UBP1: variants seen among roughly 807,000 people sequenced by gnomAD.
UBP1 encodes upstream-binding protein 1.
Under a neutral mutation model 76.1 loss-of-function variants are expected in UBP1, and 22 were observed. The ratio of observed to expected loss-of-function variants is 0.29; its 90% CI spans 0.21 to 0.41. UBP1 has a LOEUF of 0.41. Among genes scored for constraint, UBP1 ranks in the 10% least tolerant of loss-of-function variants. UBP1 has a pLI of 1.00. For synonymous variants in UBP1, 224 were observed against 237.1 expected (o/e 0.94, Z 0.51); for missense variants, 436 against 668.1 (o/e 0.65, Z 3.83).
At position 33,439,526 on chromosome 3, in the gene UBP1, G is replaced by A. The variant is rs1161109707; in HGVS notation, c.113+210C>T. Among the ~76,000 whole-genome samples, 4 of 152,352 alleles carry A rather than the reference G, an allele frequency of 2.6e-5. No individual in the cohort carries two copies. The East Asian group carries it at 7.7e-4, about 29-fold the overall frequency. On this transcript the variant is annotated intron_variant, in intron 1 of 15. Coordinates refer to ENST00000283629, the MANE Select transcript of UBP1 (RefSeq NM_014517.5). ...CAGGAGCGGTCCGAGGCCGACGCTT[G>A]CGGGGCCATCCTCCCCCACCCGCCC...
Position 33,426,038 on chromosome 3 carries a change from TAG to T in UBP1, c.114-299_114-298del, listed in dbSNP as rs1491522835. Among the ~76,000 whole-genome samples, 469 of 83,156 alleles carry T rather than the reference TAG, an allele frequency of 5.6e-3. 15 individuals carry two copies. Among genetic ancestry groups the T allele is most frequent in the Middle Eastern group, 0.036 (6 of 168 alleles). The allele number at this position is 83,156 out of a possible 152,430, so 54.6% of individuals were successfully genotyped here. A position where few individuals can be genotyped will look rare whatever the true frequency, so the allele number is the denominator to read the frequency against. On this transcript the variant is annotated intron_variant, in intron 1 of 15. Coordinates refer to ENST00000283629, the MANE Select transcript of UBP1 (RefSeq NM_014517.5). ...ATATATATATATATATATATATATA[TAG>T]CACTTTAAAAACTTCTTTTAAAACT...
intron 2 of UBP1, among the ~76,000 whole-genome samples, chr3:33,418,569 T>C (rs1170170079): frequency 6.6e-6 from 1 of 151,846 alleles, no homozygotes; most frequent in South Asian, 2.1e-4. Flanking sequence ...ATAAGAAGTA[T>C]TTAATTAGGC....
intron 1 of UBP1, among the ~76,000 whole-genome samples, chr3:33,428,034 T>C (rs937030689): frequency 1.5e-4 from 23 of 152,138 alleles, no homozygotes; most frequent in Admixed American, 9.8e-4. Flanking sequence ...ATACAAAAAT[T>C]AGCTGGGCGT....
chr3:33,397,188 G>A, intron 11 of UBP1, 53 bp from the exon 12 acceptor site: 1 of 1,366,270 alleles, frequency 7.3e-7, no homozygotes, highest in Non-Finnish European at 1.0e-6. Context: ...GAACAGAACT[G>A]CTTTACAGGC....
chr3:33,390,420 C>A (rs1204601789), intron 15 of UBP1, 52 bp from the exon 16 acceptor site: 1 of 1,606,608 alleles, frequency 6.2e-7, no homozygotes, highest in Non-Finnish European at 8.5e-7. Flanking sequence ...GGAAATTAAG[C>A]CTATTAAATG....
In UBP1 at chr3:33,440,083, G is replaced by C. The variant is rs1251934058; in HGVS notation, c.-235C>G. The C allele has an allele frequency of 4.5e-6, 2 of 446,912 alleles. No homozygotes were observed. Among genetic ancestry groups the C allele is most frequent in the Admixed American group, 4.6e-5 (1 of 21,962 alleles). The allele number at this position is 446,912 out of a possible 1,614,324, so 27.7% of individuals were successfully genotyped here. A position where few individuals can be genotyped will look rare whatever the true frequency, so the allele number is the denominator to read the frequency against. ...GCCGCCGGCAGCGCCACCCTCCCGC[G>C]GACACCGGCCCTGCGCCTCATGCCG... is the stretch of plus-strand genomic sequence containing the variant. On this transcript the variant is annotated 5_prime_UTR_variant, in exon 1 of 16. Transcript: ENST00000283629.
At chr3:33,425,560 A>T (rs781653343) in intron 2 of UBP1, 30 bp downstream of exon 2, 4 of 1,484,014 alleles carry the variant, frequency 2.7e-6, no homozygotes, top group Non-Finnish European at 3.6e-6. Context: ...GTAAATTCTT[A>T]CATGTCAAAT....
chr3:33,396,374 C>T, intron 12 of UBP1, 94 bp from the exon 13 acceptor site: 4 of 888,148 alleles, frequency 4.5e-6, no homozygotes, highest in Admixed American at 2.4e-5. Flanking sequence ...GTTCTATTTC[C>T]TTATGAGAAC....
Position 33,440,205 on chromosome 3 carries a change from A to T in UBP1, c.-357T>A, listed in dbSNP as rs1201571490. 6.4e-6 allele frequency: 1 copy of T among 155,930 alleles called. No homozygotes were observed. Among genetic ancestry groups the T allele is most frequent in the Non-Finnish European group, 1.4e-5 (1 of 70,750 alleles). The allele number at this position is 155,930 out of a possible 1,614,324, so 9.7% of individuals were successfully genotyped here. A position where few individuals can be genotyped will look rare whatever the true frequency, so the allele number is the denominator to read the frequency against. ...CGCATCCTCCTCCGGGACCGCTGGG[A>T]GGCTGGACCTCGGGCCGCTCCGAGG... On this transcript the variant is annotated 5_prime_UTR_variant, in exon 1 of 16. Transcript: ENST00000283629.
At chr3:33,417,734 T>C (rs1415785940) in intron 2 of UBP1, among the ~76,000 whole-genome samples, 1 of 152,228 alleles carries the variant, frequency 6.6e-6, no homozygotes, top group Non-Finnish European at 1.5e-5. Context: ...GACAGTATAA[T>C]TTGGCATGCA....
intron 2 of UBP1, among the ~76,000 whole-genome samples, chr3:33,418,284 C>T (rs985677603): frequency 1.3e-5 from 2 of 152,118 alleles, no homozygotes; most frequent in South Asian, 2.1e-4. Flanking sequence ...CAGGGAGCTT[C>T]GTTCTGTCGC....
At position 33,412,718 on chromosome 3, in the gene UBP1, G is replaced by T; in HGVS notation, c.448+4C>A. 1 of 1,588,192 alleles carries T rather than the reference G, an allele frequency of 6.3e-7. No homozygotes were observed. Among genetic ancestry groups the T allele is most frequent in the Non-Finnish European group, 8.6e-7 (1 of 1,156,370 alleles). ...CTCCATGGTCTTTTGATCACTGCCTGTACCTAAATCAAGAAGTCTGTCTCC... is the reference window on the plus strand; with the variant it reads ...CTCCATGGTCTTTTGATCACTGCCTTTACCTAAATCAAGAAGTCTGTCTCC... On this transcript the variant is annotated splice_donor_region_variant and intron_variant, in intron 4 of 15. Transcript: ENST00000283629.
At chr3:33,434,652 T>C (rs920824561) in intron 1 of UBP1, among the ~76,000 whole-genome samples, 9 of 151,676 alleles carry the variant, frequency 5.9e-5, no homozygotes, top group African/African-American at 2.2e-4. Flanking sequence ...CAGCCCGTTT[T>C]TACACAATTA....
intron 2 of UBP1, among the ~76,000 whole-genome samples, chr3:33,424,948 G>A (rs2044986665): frequency 1.3e-5 from 2 of 152,148 alleles, no homozygotes; most frequent in African/African-American, 4.8e-5. Flanking sequence ...GGGAGGCTGA[G>A]GCACGAGAAT....
At chr3:33,439,699 G>T (rs754262056) in intron 1 of UBP1, 37 bp downstream of exon 1, 1 of 1,604,004 alleles carries the variant, frequency 6.2e-7, no homozygotes, top group East Asian at 2.2e-5. Context: ...CTTCCCCAAG[G>T]AGACAGAGGC....
chr3:33,438,508 A>T (rs1263325064), intron 1 of UBP1, among the ~76,000 whole-genome samples: 2 of 152,210 alleles, frequency 1.3e-5, no homozygotes, highest in Admixed American at 1.3e-4. Flanking sequence ...CAACTGAAAC[A>T]GCTGTTTTAG....
At chr3:33,441,228 G>A (rs759168374), upstream of UBP1, 6 of 152,316 alleles carry the variant, frequency 3.9e-5, no homozygotes, top group Non-Finnish European at 8.8e-5. Flanking sequence ...CTTTTTACCG[G>A]AAGAGATGAA....
At chr3:33,419,022 A>C (rs2044812315) in intron 2 of UBP1, among the ~76,000 whole-genome samples, 1 of 152,186 alleles carries the variant, frequency 6.6e-6, no homozygotes, top group Non-Finnish European at 1.5e-5. Flanking sequence ...AATTAAAACC[A>C]CACTGAAATC....
intron 5 of UBP1, among the ~76,000 whole-genome samples, chr3:33,409,993 C>T (rs977322628): frequency 6.6e-6 from 1 of 152,208 alleles, no homozygotes; most frequent in African/African-American, 2.4e-5. Flanking sequence ...TTGTTTAGAG[C>T]TTCTGTTGTT....
Sources: allele counts gnomAD v4.1 joint callset (sites outside exome capture counted in the v4.1 genomes callset), GRCh38; gene constraint gnomAD v4.1.1; transcripts MANE v1.5; gene names NCBI Gene and HGNC (gene_info 2026-07-23, HGNC 2026-07-21).